The following ARHGAP44 variants were observed in gnomAD, a reference collection of about 807,000 sequenced individuals.
ARHGAP44 encodes rho GTPase-activating protein 44.
Under a neutral mutation model 106.8 loss-of-function variants are expected in ARHGAP44, and 43 were observed. That is an observed-to-expected ratio of 0.40 (90% CI 0.32 to 0.52). ARHGAP44 has a LOEUF of 0.52. ARHGAP44 is among the 20% of genes least tolerant of loss of function. ARHGAP44 has a pLI of 0.48. For missense variants in ARHGAP44, 866 were observed against 1,050.5 expected, an observed-to-expected ratio of 0.82 and a Z score of 2.43; for synonymous variants, 439 against 410.3, an observed-to-expected ratio of 1.07 and a Z score of -0.85.
Position 12,928,922 on chromosome 17 carries a change from C to A in ARHGAP44, c.465-7C>A. On this transcript the variant is annotated splice_region_variant and splice_polypyrimidine_tract_variant and intron_variant, in intron 6 of 20. Coordinates refer to ENST00000379672, the MANE Select transcript of ARHGAP44 (RefSeq NM_014859.6). ...CTCACATCTCTTTTTCTCCTATTTT[C>A]CATCAGGTGGCAGCAGACTTCCAAG... is the stretch of plus-strand genomic sequence containing the variant. 6.2e-7 allele frequency: 1 copy of A among 1,607,628 alleles called. No individual in the cohort carries two copies. The highest frequency in any genetic ancestry group is 8.5e-7 in the Non-Finnish European group (1 of 1,176,976).
intron 17 of ARHGAP44, chr17:12,973,678 T>C: frequency 2.1e-6 from 1 of 476,138 alleles, no homozygotes; most frequent in South Asian, 2.9e-5. Context: ...CCACCTCGTC[T>C]TGCACTTGGG....
At chr17:12,805,786 G>A (rs982210543) in intron 1 of ARHGAP44, among the ~76,000 whole-genome samples, 1 of 152,210 alleles carries the variant, frequency 6.6e-6, no homozygotes, top group African/African-American at 2.4e-5. Flanking sequence ...CAGTACCTGT[G>A]GAAGGGAGTG....
intron 3 of ARHGAP44, among the ~76,000 whole-genome samples, chr17:12,897,804 A>G (rs895018699): frequency 6.7e-6 from 1 of 150,218 alleles, no homozygotes; most frequent in Middle Eastern, 3.5e-3. Flanking sequence ...TATCATCTGA[A>G]TGCTACCACC....
chr17:12,964,964 G>A (rs1203223736), intron 16 of ARHGAP44, among the ~76,000 whole-genome samples: 2 of 152,088 alleles, frequency 1.3e-5, no homozygotes, highest in Admixed American at 6.6e-5. Flanking sequence ...CTACCTCTGT[G>A]TTTCCTCAGT....
Position 12,915,986 on chromosome 17 carries a change from T to C in ARHGAP44, c.362T>C (p.Ile121Thr). The C allele has an allele frequency of 1.9e-6, 3 of 1,613,932 alleles. No individual in the cohort carries two copies. Among genetic ancestry groups the C allele is most frequent in the Non-Finnish European group, 2.5e-6 (3 of 1,179,866 alleles). ...GAGTTGCAAGTAGAGAGAGACGTGA[T>C]TGAGCCCCTGTTTTTGCTGGCGGAG... ...HFELQVERDV[I>T]EPLFLLAEVE... The change falls in exon 5 of 21, where the codon ATT becomes ACT. Residue 121 changes from isoleucine (I) to threonine (T), a missense_variant. By Grantham distance (89) the Ile-to-Thr change is moderately conservative. Coordinates refer to ENST00000379672, the MANE Select transcript of ARHGAP44 (RefSeq NM_014859.6).
At chr17:12,989,981 C>T (rs914366052) in intron 20 of ARHGAP44, 51 bp from the exon 21 acceptor site, 1 of 1,585,992 alleles carries the variant, frequency 6.3e-7, no homozygotes, top group Non-Finnish European at 8.6e-7. Flanking sequence ...ACTAGGTTCT[C>T]ATTTGCCGGG....
intron 7 of ARHGAP44, among the ~76,000 whole-genome samples, chr17:12,934,035 G>C (rs1449909737): frequency 6.6e-6 from 1 of 151,916 alleles, no homozygotes; most frequent in Non-Finnish European, 1.5e-5. Context: ...TTTTAGTAGA[G>C]ACAGGGTTTC....
At chr17:12,826,541 C>T (rs1413372767) in intron 1 of ARHGAP44, among the ~76,000 whole-genome samples, 5 of 152,086 alleles carry the variant, frequency 3.3e-5, no homozygotes, top group Non-Finnish European at 5.9e-5. Flanking sequence ...ATTTTTATTT[C>T]CTAATGCTCT....
intron 7 of ARHGAP44, among the ~76,000 whole-genome samples, chr17:12,932,283 A>G (rs763617544): frequency 6.6e-6 from 1 of 152,216 alleles, no homozygotes; most frequent in African/African-American, 2.4e-5. Flanking sequence ...GTTGATGAGT[A>G]TCATGTATTT....
intron 1 of ARHGAP44, among the ~76,000 whole-genome samples, chr17:12,889,599 G>A (rs186778254): frequency 6.6e-6 from 1 of 152,260 alleles, no homozygotes; most frequent in East Asian, 1.9e-4. Flanking sequence ...TCAGCTTTTA[G>A]CATTCTGCCT....
Position 12,943,951 on chromosome 17 carries a change from A to T in ARHGAP44, c.734-118A>T, listed in dbSNP as rs939592742. On this transcript the variant is annotated intron_variant, in intron 9 of 20. Coordinates refer to ENST00000379672, the MANE Select transcript of ARHGAP44 (RefSeq NM_014859.6). The stretch of plus-strand genomic sequence containing the variant: ...CTTAAAACCACAGAATGGAGGCTCA[A>T]TTGGGCCTCCCTCTCTTTGGTAATC... 9.5e-6 allele frequency: 13 copies of T among 1,371,844 alleles called. No individual in the cohort carries two copies. In the African/African-American group the frequency reaches 1.6e-4, roughly 17 times the overall value. 85.0% of individuals were successfully genotyped at this position (1,371,844 alleles called of 1,614,324 possible).
chr17:12,812,810 A>G (rs1228879275), intron 1 of ARHGAP44, among the ~76,000 whole-genome samples: 2 of 152,226 alleles, frequency 1.3e-5, no homozygotes, highest in Non-Finnish European at 2.9e-5. Context: ...TGCATGAGCT[A>G]CTTTCAACTC....
chr17:12,854,366 C>T (rs568237134), intron 1 of ARHGAP44, among the ~76,000 whole-genome samples: 1 of 152,230 alleles, frequency 6.6e-6, no homozygotes, highest in Non-Finnish European at 1.5e-5. Flanking sequence ...AGAATGATAT[C>T]ATATAGAGAG....
chr17:12,942,143 AATTT>A (rs1320658758), intron 8 of ARHGAP44, among the ~76,000 whole-genome samples: 2 of 149,334 alleles, frequency 1.3e-5, no homozygotes, highest in Non-Finnish European at 3.0e-5. Flanking sequence ...TTAATTAATT[AATTT>A]ATTTATTTTT....
At chr17:12,959,469 A>G (rs756392409) in intron 16 of ARHGAP44, among the ~76,000 whole-genome samples, 2 of 152,216 alleles carry the variant, frequency 1.3e-5, no homozygotes, top group South Asian at 2.1e-4. Flanking sequence ...AGTACATTCA[A>G]TTTAGTTTGC....
chr17:12,896,701 G>T (rs1202662740), intron 3 of ARHGAP44, among the ~76,000 whole-genome samples, 190 bp downstream of exon 3: 1 of 152,112 alleles, frequency 6.6e-6, no homozygotes, highest in Non-Finnish European at 1.5e-5. Context: ...TTGCTCTTTA[G>T]CCCAGCCTGA....
Position 12,941,124 on chromosome 17 carries a change from G to A in ARHGAP44, c.651G>A (p.Thr217=), listed in dbSNP as rs997474991. ...TTGACTATGCAAACTACTTTCAAACGGTAAGTGCCCAGAAAGGTGAGATTG... is the reference window on the plus strand; with the variant it reads ...TTGACTATGCAAACTACTTTCAAACAGTAAGTGCCCAGAAAGGTGAGATTG... ...KEIDYANYFQ[T]LIEVQAEYHR... The change falls in exon 8 of 21, where the codon ACG becomes ACA. Residue 217 remains threonine, a splice_region_variant and synonymous_variant. Coordinates refer to ENST00000379672, the MANE Select transcript of ARHGAP44 (RefSeq NM_014859.6). 7 of 1,613,628 alleles carry A rather than the reference G, an allele frequency of 4.3e-6. No homozygotes were observed. The highest frequency in any genetic ancestry group is 1.6e-4 in the Middle Eastern group (1 of 6,084).
intron 1 of ARHGAP44, among the ~76,000 whole-genome samples, chr17:12,865,640 T>C (rs1474482317): frequency 6.6e-6 from 1 of 151,828 alleles, no homozygotes; most frequent in East Asian, 1.9e-4. Context: ...ATACAAAAAA[T>C]TAGCTGGGCG....
At chr17:12,950,123 G>A (rs2038957497) in intron 12 of ARHGAP44, among the ~76,000 whole-genome samples, 1 of 152,090 alleles carries the variant, frequency 6.6e-6, no homozygotes, top group Non-Finnish European at 1.5e-5. Context: ...CAAACACCCA[G>A]CACACTTAAA....
Sources: gnomAD v4.1 joint callset for allele counts (sites outside exome capture counted in the v4.1 genomes callset) on GRCh38, gnomAD v4.1.1 for gene constraint, MANE v1.5 for transcripts, NCBI Gene and HGNC (gene_info 2026-07-23, HGNC 2026-07-21) for gene names.